Variants in SLC9D1 observed in about 807,000 individuals in gnomAD.
The protein encoded by SLC9D1 is putative LAG1-interacting protein.
chr13:113,523,699 T>C, the SLC9D1 span, among the ~76,000 whole-genome samples: 180 of 152,352 alleles, frequency 1.2e-3, 1 homozygote, highest in African/African-American at 4.2e-3. Context: ...TAGGTTCTTA[T>C]GGTTTAACTT....
chr13:113,498,769 A>T, the SLC9D1 span: 1 of 365,142 alleles, frequency 2.7e-6, no homozygotes, highest in Admixed American at 5.3e-5. Context: ...CATTTTCCAG[A>T]GGCCAGATGG....
chr13:113,539,606 G>A, the SLC9D1 span: 1 of 1,315,480 alleles, frequency 7.6e-7, no homozygotes, highest in Non-Finnish European at 1.0e-6. This position sits in a 1 kb window ranked among gnomAD's most constrained non-coding sequence, Gnocchi z 4.8. Context: ...AGCAAAAATG[G>A]TTATCTTAAA....
the SLC9D1 span, among the ~76,000 whole-genome samples, chr13:113,511,122 CCT>C: frequency 1.4e-3 from 212 of 152,226 alleles, no homozygotes; most frequent in African/African-American, 4.8e-3. Context: ...CACTCGGAAA[CCT>C]AGGCAGGACC....
the SLC9D1 span, among the ~76,000 whole-genome samples, chr13:113,522,841 A>C: frequency 4.6e-5 from 7 of 152,022 alleles, no homozygotes; most frequent in East Asian, 1.4e-3. Flanking sequence ...CTTATTGGCC[A>C]GGCTGGTCTT....
the SLC9D1 span, chr13:113,547,437 T>C: frequency 1.4e-6 from 2 of 1,385,226 alleles, no homozygotes; most frequent in Admixed American, 1.7e-5. Flanking sequence ...TAGCCCTCCC[T>C]GTGGCCCTGG....
At chr13:113,511,863 A>G in the SLC9D1 span, 1 of 152,318 alleles carries the variant, frequency 6.6e-6, no homozygotes, top group African/African-American at 2.4e-5. Context: ...TGGACAGAGA[A>G]GCTTCACAAA....
At chr13:113,535,953 G>A in the SLC9D1 span, among the ~76,000 whole-genome samples, 1 of 152,240 alleles carries the variant, frequency 6.6e-6, no homozygotes, top group African/African-American at 2.4e-5. This position sits in a 1 kb window ranked among gnomAD's most constrained non-coding sequence, Gnocchi z 4.1. Flanking sequence ...TGTCTTTGCT[G>A]TGTCCGTATC....
chr13:113,503,203 A>G, the SLC9D1 span, among the ~76,000 whole-genome samples: 6 of 152,222 alleles, frequency 3.9e-5, no homozygotes, highest in Non-Finnish European at 8.8e-5. Context: ...GGTAACACAT[A>G]CAACTGGATG....
the SLC9D1 span, chr13:113,534,111 T>C: frequency 6.2e-7 from 1 of 1,613,274 alleles, no homozygotes; most frequent in Non-Finnish European, 8.5e-7. Flanking sequence ...TAGCGGCGGT[T>C]TTTCTTTTAT....
chr13:113,495,866 G>A, the SLC9D1 span: 10 of 1,614,198 alleles, frequency 6.2e-6, no homozygotes, highest in South Asian at 2.2e-5. Context: ...AGGTGCACAC[G>A]TTTGAAATTT....
At chr13:113,528,903 A>G in the SLC9D1 span, 1 of 152,214 alleles carries the variant, frequency 6.6e-6, no homozygotes, top group African/African-American at 2.4e-5. Flanking sequence ...AACAGAAGGA[A>G]GGGTTGTCAT....
the SLC9D1 span, among the ~76,000 whole-genome samples, chr13:113,525,654 T>G: frequency 2.0e-5 from 3 of 150,096 alleles, no homozygotes; most frequent in African/African-American, 7.5e-5. Context: ...GAACAAGCCA[T>G]CGTCATCATA....
chr13:113,524,115 T>C, the SLC9D1 span: 1 of 448,570 alleles, frequency 2.2e-6, no homozygotes. Context: ...TTTTTTTTAA[T>C]ATATGTCAGT....
the SLC9D1 span, among the ~76,000 whole-genome samples, chr13:113,494,406 T>C: frequency 6.6e-6 from 1 of 152,146 alleles, no homozygotes; most frequent in Non-Finnish European, 1.5e-5. Flanking sequence ...TCATCCTGCT[T>C]TCTGAACAGT....
the SLC9D1 span, among the ~76,000 whole-genome samples, chr13:113,507,102 T>G: frequency 6.6e-6 from 1 of 151,972 alleles, no homozygotes; most frequent in African/African-American, 2.4e-5. Context: ...CAGGGTTCCT[T>G]CTGTGTCTGG....
the SLC9D1 span, chr13:113,498,495 G>A: frequency 6.3e-7 from 1 of 1,589,286 alleles, no homozygotes; most frequent in Non-Finnish European, 8.5e-7. Context: ...AGAGATAGAG[G>A]AACATGCTTT....
the SLC9D1 span, chr13:113,547,476 AGAGCC>A: frequency 1.0e-6 from 1 of 987,912 alleles, no homozygotes; most frequent in Non-Finnish European, 1.6e-6. Flanking sequence ...TCGGGCCTGC[AGAGCC>A]GGCCCTGCTC....
At chr13:113,547,431 C>A in the SLC9D1 span, 2 of 1,409,160 alleles carry the variant, frequency 1.4e-6, no homozygotes, top group Non-Finnish European at 2.0e-6. Context: ...TCAGCATAGC[C>A]CTCCCTGTGG....
chr13:113,532,820 G>A, the SLC9D1 span, among the ~76,000 whole-genome samples: 1 of 127,688 alleles, frequency 7.8e-6, no homozygotes, highest in African/African-American at 3.0e-5. Context: ...GAGCTCTGAA[G>A]GACGCTGCCT....
Sources: allele counts gnomAD v4.1 joint callset (sites outside exome capture counted in the v4.1 genomes callset), GRCh38; gene constraint gnomAD v4.1.1; non-coding constraint Gnocchi (gnomAD v3.1); transcripts MANE v1.5; gene names NCBI Gene and HGNC (gene_info 2026-07-23, HGNC 2026-07-21).